Variants in PPP2R5C observed in about 807,000 individuals in gnomAD.
The protein encoded by PPP2R5C is serine/threonine-protein phosphatase 2A 56 kDa regulatory subunit gamma isoform.
In PPP2R5C, 7 loss-of-function variants were observed where a neutral mutation model predicts 68.9. That is an observed-to-expected ratio of 0.10 (90% confidence interval 0.06 to 0.19). The LOEUF (loss-of-function observed/expected upper bound fraction) is 0.19. PPP2R5C is among the 10% of genes least tolerant of loss of function. The probability of loss-of-function intolerance (pLI) is 1.00; values close to 1 mark genes in which losing one functional copy is unlikely to be tolerated. For missense variants in PPP2R5C, 348 were observed against 641.3 expected (o/e 0.54, Z 4.94); for synonymous variants, 210 against 222.2 (o/e 0.95, Z 0.49).
intron 1 of PPP2R5C, among the ~76,000 whole-genome samples, chr14:101,856,136 G>A (rs1821299979): frequency 1.3e-5 from 2 of 152,166 alleles, no homozygotes; most frequent in South Asian, 4.1e-4. Flanking sequence ...TACATCTTTG[G>A]ACTGATGCCA....
rs898178564 is a variant in PPP2R5C, at chr14:101,915,025, C to T, written c.1326+2552C>T. ...TTCCTTCGAGAGAGGAGCTCATGTG[C>T]GGAATGCACCTCAGTGAAGGTTTTT... On this transcript the variant is annotated intron_variant, in intron 12 of 13. Transcript: ENST00000334743. The surrounding 1 kb of genome is among the most constrained non-coding windows in gnomAD (Gnocchi z 4.2). 6.6e-6 allele frequency among the ~76,000 whole-genome samples: 1 copy of T among 152,112 alleles called. No individual in the cohort carries two copies. The highest frequency in any genetic ancestry group is 2.4e-5 in the African/African-American group (1 of 41,432).
At chr14:101,880,894 G>A (rs1161392835) in intron 2 of PPP2R5C, among the ~76,000 whole-genome samples, 3 of 152,114 alleles carry the variant, frequency 2.0e-5, no homozygotes, top group Non-Finnish European at 4.4e-5. Flanking sequence ...AGTTTGCCCT[G>A]GACTCTCTAG....
intron 3 of PPP2R5C, 64 bp downstream of exon 3, chr14:101,786,247 A>G: frequency 7.3e-7 from 1 of 1,366,010 alleles, no homozygotes; most frequent in African/African-American, 1.5e-5. Context: ...CAATGTTTTG[A>G]TAGTGTGCTA....
chr14:101,885,293 C>G (rs558577969), intron 5 of PPP2R5C, among the ~76,000 whole-genome samples: 1 of 152,292 alleles, frequency 6.6e-6, no homozygotes, highest in African/African-American at 2.4e-5. Context: ...ACCCCCCCTG[C>G]CAAAACCCAC....
rs563797311 is a variant in PPP2R5C, at chr14:101,906,844, C to T, written c.1151+315C>T. Among the ~76,000 whole-genome samples the T allele has an allele frequency of 6.6e-6, 1 of 152,228 alleles. No homozygotes were observed. The highest frequency in any genetic ancestry group is 1.9e-4 in the East Asian group (1 of 5,184). ...GGTCTCTGCAGAGCCCAGTGGGGCT[C>T]AGCCCCGGCGGGGGCACAGTGGCCA... On this transcript the variant is annotated intron_variant, in intron 10 of 13. Transcript: ENST00000334743. This position sits in a 1 kb window ranked among gnomAD's most constrained non-coding sequence, Gnocchi z 4.0.
At chr14:101,760,804 G>A (rs1208852230), upstream of PPP2R5C, 3 of 506,688 alleles carry the variant, frequency 5.9e-6, no homozygotes, top group African/African-American at 5.6e-5. Flanking sequence ...GCCGAGGGGA[G>A]GGGCCGGTCG....
At position 101,894,355 on chromosome 14, in the gene PPP2R5C, A is replaced by G. The variant is rs1265607795; in HGVS notation, c.799-152A>G. 5 of 602,980 alleles carry G rather than the reference A, an allele frequency of 8.3e-6. No homozygotes were observed. In the East Asian group the frequency reaches 1.4e-4, roughly 17 times the overall value. The allele number at this position is 602,980 out of a possible 1,614,324, so 37.4% of individuals were successfully genotyped here. ...TCTGATCTATCACCAATTAATGGGC[A>G]TAAATGTTAATGCCCGTTAATCACA... On this transcript the variant is annotated intron_variant, in intron 7 of 13. Coordinates refer to ENST00000334743, the Ensembl canonical transcript of PPP2R5C.
At chr14:101,796,427 T>C (rs2038611575) in intron 3 of PPP2R5C, 2 of 152,276 alleles carry the variant, frequency 1.3e-5, no homozygotes, top group African/African-American at 4.8e-5. Flanking sequence ...CTGAGGCAGT[T>C]CACACTGGCC....
rs1472415732 is a variant in PPP2R5C at position 101,797,460 on chromosome 14, A to C, written c.259+11277A>C. ...ACAGTGTGTCTCCTGAAGGAATGAA[A>C]AGCCCTCCTGGCCCCTCTGCCCTCT... On this transcript the variant is annotated intron_variant, in intron 3 of 14. Transcript: ENST00000328724. This position sits in a 1 kb window ranked among gnomAD's most constrained non-coding sequence, Gnocchi z 4.2. The C allele has an allele frequency of 2.7e-6, 1 of 364,452 alleles. No homozygotes were observed. Among genetic ancestry groups the C allele is most frequent in the East Asian group, 7.7e-5 (1 of 13,058 alleles). The allele number at this position is 364,452 out of a possible 1,614,324, so 22.6% of individuals were successfully genotyped here.
At chr14:101,848,723 T>G (rs1472125832) in intron 1 of PPP2R5C, among the ~76,000 whole-genome samples, 4 of 152,134 alleles carry the variant, frequency 2.6e-5, no homozygotes, top group Admixed American at 2.0e-4. Flanking sequence ...ACACCCCGAT[T>G]GGCAACAGCG....
upstream of PPP2R5C, among the ~76,000 whole-genome samples, chr14:101,808,640 TTTC>T (rs1418344000): frequency 2.0e-5 from 3 of 152,200 alleles, no homozygotes; most frequent in Non-Finnish European, 4.4e-5. Flanking sequence ...ATTTCAGGTG[TTTC>T]TTACTCTACT....
At chr14:101,874,294 C>G (rs192991152) in intron 2 of PPP2R5C, among the ~76,000 whole-genome samples, 2 of 152,298 alleles carry the variant, frequency 1.3e-5, no homozygotes, top group East Asian at 3.9e-4. Flanking sequence ...TCATACCTTA[C>G]TGCAAAAAGA....
chr14:101,900,795 C>T (rs1417284532), intron 8 of PPP2R5C, among the ~76,000 whole-genome samples: 1 of 152,196 alleles, frequency 6.6e-6, no homozygotes, highest in Non-Finnish European at 1.5e-5. Flanking sequence ...ACTGGGAAAC[C>T]ACTGCAGTCC....
rs1394352333 is a variant in PPP2R5C, at chr14:101,917,036, C to T, written c.1327-795C>T. Among the ~76,000 whole-genome samples, 4 of 151,858 alleles carry T rather than the reference C, an allele frequency of 2.6e-5. No homozygotes were observed. The highest frequency in any genetic ancestry group is 5.9e-5 in the Non-Finnish European group (4 of 68,036). On this transcript the variant is annotated intron_variant, in intron 12 of 13. Coordinates refer to ENST00000334743, the Ensembl canonical transcript of PPP2R5C. The surrounding 1 kb of genome is among the most constrained non-coding windows in gnomAD (Gnocchi z 4.4). ...AGATGCCACTTCCTTCGCCTGTGCC[C>T]TCAGAGCCAGCAGACGCTCGTCACA...
chr14:101,800,828 A>G (rs530010391), intron 3 of PPP2R5C, among the ~76,000 whole-genome samples: 4 of 152,328 alleles, frequency 2.6e-5, no homozygotes, highest in South Asian at 2.1e-4. Flanking sequence ...CTAAGTGTCA[A>G]TCAGTGGATG....
At chr14:101,767,718 C>T (rs1432325815) in intron 2 of PPP2R5C, among the ~76,000 whole-genome samples, 22 of 152,248 alleles carry the variant, frequency 1.4e-4, no homozygotes, top group Non-Finnish European at 1.5e-4. Context: ...TTGGCTCCCT[C>T]TTCCCAGCGC....
At chr14:101,761,048 G>C (rs1191792391), upstream of PPP2R5C, among the ~76,000 whole-genome samples, 1 of 134,214 alleles carries the variant, frequency 7.5e-6, no homozygotes, top group African/African-American at 2.8e-5. Context: ...GGAGGGGACG[G>C]AGGGGAGGGG....
At position 101,823,747 on chromosome 14, in the gene PPP2R5C, G is replaced by A. The variant is rs114998344; in HGVS notation, c.94+13711G>A. 199 of 1,078,174 alleles carry A rather than the reference G, an allele frequency of 1.8e-4. No homozygotes were observed. In the African/African-American group the frequency reaches 3.0e-3, roughly 16 times the overall value. The allele number at this position is 1,078,174 out of a possible 1,614,324, so 66.8% of individuals were successfully genotyped here. Reference sequence around the variant, plus strand: ...CAGCACTTGGGTTTTCTGACTCACGGTTCTGGGCTCACCCCTCTCTGAGCA... The same window carrying A: ...CAGCACTTGGGTTTTCTGACTCACGATTCTGGGCTCACCCCTCTCTGAGCA... On this transcript the variant is annotated intron_variant, in intron 1 of 13. Coordinates refer to ENST00000334743, the Ensembl canonical transcript of PPP2R5C.
intron 1 of PPP2R5C, chr14:101,836,051 A>G: frequency 1.7e-6 from 1 of 605,314 alleles, no homozygotes; most frequent in South Asian, 2.0e-5. Flanking sequence ...CACTAGTAAG[A>G]TAAAATACAA....
Sources: allele counts gnomAD v4.1 joint callset (sites outside exome capture counted in the v4.1 genomes callset), GRCh38; gene constraint gnomAD v4.1.1; non-coding constraint Gnocchi (gnomAD v3.1); transcripts MANE v1.5; gene names NCBI Gene and HGNC (gene_info 2026-07-23, HGNC 2026-07-21).